ALKBH3: variants seen among roughly 807,000 people sequenced by gnomAD.
ALKBH3 encodes alkB homolog 3, alpha-ketoglutarate dependent dioxygenase.
Under a neutral mutation model 43.9 loss-of-function variants are expected in ALKBH3, and 51 were observed. That is an observed-to-expected ratio of 1.16 (90% CI 0.93 to 1.47). ALKBH3 has a LOEUF of 1.47. Among genes scored for constraint, ALKBH3 ranks in the 40% most tolerant of loss-of-function variants. ALKBH3 has a pLI of 0.00. For synonymous variants in ALKBH3, 102 were observed against 115.2 expected (o/e 0.89, Z 0.73); for missense variants, 361 against 351.9 (o/e 1.03, Z -0.21).
intron 8 of ALKBH3, among the ~76,000 whole-genome samples, chr11:43,912,719 T>G (rs1951949557): frequency 6.6e-6 from 1 of 152,226 alleles, no homozygotes; most frequent in Non-Finnish European, 1.5e-5. Flanking sequence ...AGATGAAGAA[T>G]GTGATAATTT....
At chr11:43,898,114 G>C in intron 7 of ALKBH3, 1 of 1,120,356 alleles carries the variant, frequency 8.9e-7, no homozygotes, top group East Asian at 2.3e-5. Flanking sequence ...CAGTGCACCT[G>C]AGCCCGTGGT....
intron 1 of ALKBH3, among the ~76,000 whole-genome samples, 191 bp from the exon 2 acceptor site, chr11:43,882,392 A>G (rs958434204): frequency 7.2e-5 from 11 of 152,342 alleles, no homozygotes; most frequent in Admixed American, 2.0e-4. Context: ...TAAGATTACA[A>G]AAGGTGAATG....
chr11:43,895,781 C>T (rs991124709), intron 7 of ALKBH3, among the ~76,000 whole-genome samples: 7 of 152,320 alleles, frequency 4.6e-5, no homozygotes, highest in African/African-American at 1.7e-4. Flanking sequence ...GCCATTGTCA[C>T]CAAACTCTGC....
At chr11:43,900,538 A>T (rs979863517) in intron 7 of ALKBH3, among the ~76,000 whole-genome samples, 3 of 152,148 alleles carry the variant, frequency 2.0e-5, no homozygotes, top group Non-Finnish European at 4.4e-5. Context: ...TGCATTTTAA[A>T]TGAATTAACC....
intron 8 of ALKBH3, chr11:43,909,751 T>C (rs1388654921): frequency 1.3e-5 from 2 of 152,152 alleles, no homozygotes; most frequent in African/African-American, 4.8e-5. Context: ...GCTAGAGAAA[T>C]CTCTTTTACC....
At chr11:43,893,131 G>A (rs530604292) in intron 7 of ALKBH3, among the ~76,000 whole-genome samples, 1 of 152,284 alleles carries the variant, frequency 6.6e-6, no homozygotes, top group South Asian at 2.1e-4. Context: ...AGGATTAAAT[G>A]GGCTGTGGGG....
At chr11:43,912,770 T>C (rs1383454269) in intron 8 of ALKBH3, among the ~76,000 whole-genome samples, 2 of 152,182 alleles carry the variant, frequency 1.3e-5, no homozygotes, top group Non-Finnish European at 1.5e-5. Context: ...CTTAATATAT[T>C]AAACAATACA....
intron 4 of ALKBH3, among the ~76,000 whole-genome samples, chr11:43,885,608 C>G (rs1405196942): frequency 6.6e-6 from 1 of 152,212 alleles, no homozygotes; most frequent in African/African-American, 2.4e-5. Context: ...TGTCACTTTT[C>G]TCATTATGGG....
chr11:43,912,455 G>C (rs967319005), intron 8 of ALKBH3: 6 of 152,234 alleles, frequency 3.9e-5, no homozygotes, highest in South Asian at 2.1e-4. Flanking sequence ...ATTAATAATA[G>C]TTACTGTGTG....
chr11:43,915,897 A>G (rs1951980082), intron 8 of ALKBH3, among the ~76,000 whole-genome samples: 1 of 152,218 alleles, frequency 6.6e-6, no homozygotes, highest in African/African-American at 2.4e-5. Context: ...TGTGATAGGC[A>G]CTGAGAATGT....
At chr11:43,905,476 G>C (rs1166020873) in intron 8 of ALKBH3, among the ~76,000 whole-genome samples, 1 of 151,366 alleles carries the variant, frequency 6.6e-6, no homozygotes, top group Non-Finnish European at 1.5e-5. Flanking sequence ...GTCCAAGTCT[G>C]CCAAGTGCTG....
intron 8 of ALKBH3, among the ~76,000 whole-genome samples, chr11:43,904,306 G>A (rs1021621042): frequency 1.1e-4 from 17 of 152,176 alleles, no homozygotes; most frequent in Non-Finnish European, 2.4e-4. Flanking sequence ...AAAGGGATTT[G>A]GGAAGAAATA....
At chr11:43,918,956 A>AT (rs34866196) in intron 8 of ALKBH3, 82 bp from the exon 9 acceptor site, 709 of 1,080,038 alleles carry the variant, frequency 6.6e-4, no homozygotes, top group Middle Eastern at 1.0e-3. Context: ...AGAGGTTTCC[A>AT]TTTTTTTTTG....
chr11:43,919,216 T>C (rs1283316833), intron 9 of ALKBH3, 80 bp downstream of exon 9: 5 of 1,239,840 alleles, frequency 4.0e-6, no homozygotes, highest in Non-Finnish European at 4.7e-6. Flanking sequence ...TAAGTAGACA[T>C]GGTGAAAAGC....
At chr11:43,882,888 A>G in intron 2 of ALKBH3, 157 bp downstream of exon 2, 1 of 933,178 alleles carries the variant, frequency 1.1e-6, no homozygotes, top group Non-Finnish European at 1.6e-6. Flanking sequence ...GTTGATGGTG[A>G]GCTAAGGGTG....
chr11:43,917,038 G>A (rs1243860781), intron 8 of ALKBH3: 1 of 152,180 alleles, frequency 6.6e-6, no homozygotes, highest in African/African-American at 2.4e-5. Flanking sequence ...TCTCCTTTGT[G>A]GACTGATTCG....
intron 5 of ALKBH3, 60 bp downstream of exon 5, chr11:43,886,713 A>G: frequency 6.5e-7 from 1 of 1,528,632 alleles, no homozygotes; most frequent in Non-Finnish European, 9.1e-7. Context: ...CTCTTAAAAT[A>G]GTTTACTCCC....
chr11:43,895,466 C>T (rs923733632), intron 7 of ALKBH3, among the ~76,000 whole-genome samples: 5 of 152,116 alleles, frequency 3.3e-5, no homozygotes, highest in African/African-American at 1.2e-4. Context: ...GTGAGGCCTC[C>T]GCAGCTATGT....
In ALKBH3 at chr11:43,883,320, T is replaced by C. The variant is rs562287710; in HGVS notation, c.183+132T>C. The stretch of plus-strand genomic sequence containing the variant: ...CAGAGCAGAAGAACTATAATAATAA[T>C]GAAATGAGAAATATTTCAGTTCCTT... On this transcript the variant is annotated intron_variant, in intron 3 of 9. Transcript: ENST00000302708. The C allele has an allele frequency of 8.0e-6, 5 of 626,576 alleles. No individual in the cohort carries two copies. The East Asian group carries it at 1.5e-4, about 19-fold the overall frequency. 38.8% of individuals were successfully genotyped at this position (626,576 alleles called of 1,614,324 possible). A position where few individuals can be genotyped will look rare whatever the true frequency, so the allele number is the denominator to read the frequency against.
Sources: gnomAD v4.1 joint callset for allele counts (sites outside exome capture counted in the v4.1 genomes callset) on GRCh38, gnomAD v4.1.1 for gene constraint, MANE v1.5 for transcripts, NCBI Gene and HGNC (gene_info 2026-07-23, HGNC 2026-07-21) for gene names.